The following SMC4 variants were observed in gnomAD, a reference collection of about 807,000 sequenced individuals.
SMC4 encodes the protein structural maintenance of chromosomes protein 4.
A neutral mutation model predicts 145.6 loss-of-function variants in SMC4; 87 were observed. That is an observed-to-expected ratio of 0.60 (90% CI 0.50 to 0.71). SMC4 has a LOEUF of 0.71. Ranked by LOEUF, SMC4 falls within the 30% of genes least tolerant of loss-of-function variation. The probability of loss-of-function intolerance (pLI) is 0.00; values close to 1 mark genes in which losing one functional copy is unlikely to be tolerated. For synonymous variants in SMC4, 558 were observed against 500.7 expected (o/e 1.11, Z -1.53); for missense variants, 1,447 against 1,537.1 (o/e 0.94, Z 0.98).
chr3:160,400,687 C>G, intron 1 of SMC4, 135 bp from the exon 2 acceptor site: 1 of 1,172,616 alleles, frequency 8.5e-7, no homozygotes. Context: ...GGCTCCCTTC[C>G]CGAAGTCCCG....
rs762835596 is a variant in SMC4, at chr3:160,432,345, TAGAC to T, written c.3363_3366del (p.Gln1122HisfsTer19). On this transcript the variant is annotated frameshift_variant, in exon 22 of 24. Transcript: ENST00000357388. LOFTEE classifies it high-confidence loss of function. ...AAATTACTTATGAAAGAGACAGTTT[TAGAC>T]AGGCATATGAAGATCTTCGGAAACA... The T allele has an allele frequency of 3.7e-6, 6 of 1,613,984 alleles. No individual in the cohort carries two copies. The highest frequency in any genetic ancestry group is 2.2e-5 in the East Asian group (1 of 44,870).
At position 160,431,570 on chromosome 3, in the gene SMC4, A is replaced by AT; in HGVS notation, c.3115-72dup. 9.5e-6 allele frequency: 11 copies of AT among 1,161,348 alleles called. No individual in the cohort carries two copies. The African/African-American group carries it at 1.7e-4, about 18-fold the overall frequency. The allele number at this position is 1,161,348 out of a possible 1,614,324, so 71.9% of individuals were successfully genotyped here. ...TGTTTTCATAGCTGTGTAATTTGTCATATTTTTTTTTAAACAATGAATTGT... is the reference window on the plus strand; with the variant it reads ...TGTTTTCATAGCTGTGTAATTTGTCATTATTTTTTTTTAAACAATGAATTGT... On this transcript the variant is annotated intron_variant, in intron 20 of 23. Coordinates refer to ENST00000357388, the MANE Select transcript of SMC4 (RefSeq NM_001002800.3).
rs948725313 is a variant in SMC4, at chr3:160,433,842, G to A, written c.*33G>A. 1.3e-6 allele frequency: 2 copies of A among 1,529,354 alleles called. No homozygotes were observed. The highest frequency in any genetic ancestry group is 2.8e-5 in the African/African-American group (2 of 71,726). 94.7% of individuals were successfully genotyped at this position (1,529,354 alleles called of 1,614,324 possible). A position where few individuals can be genotyped will look rare whatever the true frequency, so the allele number is the denominator to read the frequency against. On this transcript the variant is annotated 3_prime_UTR_variant, in exon 24 of 24. Transcript: ENST00000357388. ...GCTGAAGATTCTTCAAGTTGATTCA[G>A]TGTATTACTGATTTTTTTCTATTTG...
rs1460669540 is a variant in SMC4, at chr3:160,419,413, T to A, written c.1727T>A (p.Val576Asp). 6.2e-7 allele frequency: 1 copy of A among 1,611,290 alleles called. No individual in the cohort carries two copies. Among genetic ancestry groups the A allele is most frequent in the Admixed American group, 1.7e-5 (1 of 59,322 alleles). ...GAAGAAACAAACTTTAAAAGTTTGG[T>A]TCATGATCTCTTTCAAAAAGTTGAA... ...TQEETNFKSL[V>D]HDLFQKVEEA... Residue 576 changes from valine (V) to aspartate (D), a missense_variant, in exon 12 of 24, where the codon GTT becomes GAT. Val to Asp is a radical substitution (Grantham distance 152, BLOSUM62 -3). Transcript: ENST00000357388.
chr3:160,418,661 C>T (rs998065504), intron 11 of SMC4, among the ~76,000 whole-genome samples: 5 of 152,152 alleles, frequency 3.3e-5, no homozygotes, highest in Admixed American at 1.3e-4. Flanking sequence ...TCCTGGGATT[C>T]GGTTTCTTTT....
At chr3:160,416,626 G>A in intron 10 of SMC4, 1 of 314,252 alleles carries the variant, frequency 3.2e-6, no homozygotes. Flanking sequence ...AGAGTTTGTA[G>A]TAGTAGCAGA....
chr3:160,418,549 T>G (rs1302435559), intron 11 of SMC4, among the ~76,000 whole-genome samples: 2 of 152,174 alleles, frequency 1.3e-5, no homozygotes, highest in African/African-American at 2.4e-5. Context: ...AATATGAGTC[T>G]TTTTCATTTT....
intron 10 of SMC4, 94 bp downstream of exon 10, chr3:160,416,509 T>C (rs1326796214): frequency 7.7e-6 from 6 of 780,238 alleles, no homozygotes; most frequent in Non-Finnish European, 9.6e-6. Context: ...CCTGAACTGG[T>C]AAGTTTGGAC....
At chr3:160,427,985 C>T (rs1717983717) in intron 17 of SMC4, among the ~76,000 whole-genome samples, 1 of 152,128 alleles carries the variant, frequency 6.6e-6, no homozygotes, top group Admixed American at 6.5e-5. Context: ...GTGGCACATG[C>T]TTATAATCCC....
At chr3:160,427,412 A>G (rs1411680669) in intron 17 of SMC4, among the ~76,000 whole-genome samples, 2 of 152,228 alleles carry the variant, frequency 1.3e-5, no homozygotes, top group Admixed American at 6.5e-5. Context: ...AAGAACCCAG[A>G]TTCTCTGAGG....
At chr3:160,408,075 C>T (rs1007259703) in intron 5 of SMC4, among the ~76,000 whole-genome samples, 2 of 151,890 alleles carry the variant, frequency 1.3e-5, no homozygotes, top group Non-Finnish European at 2.9e-5. Context: ...AAACTTAAAC[C>T]TCAGTAATTT....
intron 2 of SMC4, among the ~76,000 whole-genome samples, chr3:160,401,361 C>T (rs1209685326): frequency 1.3e-5 from 2 of 152,120 alleles, no homozygotes; most frequent in Non-Finnish European, 2.9e-5. Context: ...TTTTTTGACC[C>T]TAACCTCACC....
intron 16 of SMC4, among the ~76,000 whole-genome samples, chr3:160,425,470 T>G (rs1717693605): frequency 6.6e-6 from 1 of 152,202 alleles, no homozygotes; most frequent in East Asian, 1.9e-4. Flanking sequence ...GGTAGATATG[T>G]GTAGATATAT....
intron 4 of SMC4, among the ~76,000 whole-genome samples, chr3:160,403,624 T>G (rs915731108): frequency 2.0e-5 from 3 of 152,272 alleles, no homozygotes; most frequent in South Asian, 2.1e-4. Context: ...GTTTCTTTTG[T>G]GCTTTCTATT....
intron 9 of SMC4, 78 bp from the exon 10 acceptor site, chr3:160,416,173 G>A: frequency 2.0e-6 from 2 of 1,020,604 alleles, no homozygotes. Flanking sequence ...CCTGAGAAAT[G>A]CCTTTAAATA....
chr3:160,423,303 C>CT (rs1717380088), intron 13 of SMC4, 122 bp from the exon 14 acceptor site: 1 of 736,546 alleles, frequency 1.4e-6, no homozygotes, highest in Non-Finnish European at 2.2e-6. Context: ...ATTTTAGAAC[C>CT]TTTTGTGTAT....
At chr3:160,428,475 A>G (rs1718032080) in intron 17 of SMC4, among the ~76,000 whole-genome samples, 1 of 152,234 alleles carries the variant, frequency 6.6e-6, no homozygotes, top group Admixed American at 6.5e-5. Context: ...TGCCCTAAGA[A>G]AAAGTTGTAA....
chr3:160,410,404 G>A (rs1715856354), intron 5 of SMC4, among the ~76,000 whole-genome samples: 1 of 152,182 alleles, frequency 6.6e-6, no homozygotes, highest in Non-Finnish European at 1.5e-5. Context: ...CGTTCATCCT[G>A]TGTAATCCAA....
At chr3:160,432,907 T>C in intron 22 of SMC4, 119 bp from the exon 23 acceptor site, 1 of 690,128 alleles carries the variant, frequency 1.4e-6, no homozygotes, top group Admixed American at 2.7e-5. Flanking sequence ...TTCATATTTG[T>C]GAAAAGCAAG....
Sources: allele counts gnomAD v4.1 joint callset (sites outside exome capture counted in the v4.1 genomes callset), GRCh38; gene constraint gnomAD v4.1.1; transcripts MANE v1.5; gene names NCBI Gene and HGNC (gene_info 2026-07-23, HGNC 2026-07-21).